Variants in UBP1 observed in about 807,000 individuals in gnomAD.
UBP1 encodes the protein upstream binding protein 1, also known as upstream-binding protein 1.
UBP1 carries 22 observed loss-of-function variants against 76.1 expected under a neutral mutation model. The ratio of observed to expected loss-of-function variants is 0.29; its 90% CI spans 0.21 to 0.41. The LOEUF is 0.41. Among genes scored for constraint, UBP1 ranks in the 10% least tolerant of loss-of-function variants. UBP1 has a pLI of 1.00. For synonymous variants in UBP1, 224 were observed against 237.1 expected (o/e 0.94, Z 0.51); for missense variants, 436 against 668.1 (o/e 0.65, Z 3.83).
chr3:33,432,277 T>C (rs146520950), intron 1 of UBP1, among the ~76,000 whole-genome samples: 4 of 152,270 alleles, frequency 2.6e-5, no homozygotes, highest in African/African-American at 7.2e-5. Context: ...TGAGCCATGA[T>C]TGCACCACTG....
At chr3:33,394,488 A>G (rs1337811825) in intron 13 of UBP1, among the ~76,000 whole-genome samples, 1 of 147,954 alleles carries the variant, frequency 6.8e-6, no homozygotes, top group African/African-American at 2.5e-5. Flanking sequence ...ATGAAGTGTG[A>G]TGCTTCCTTA....
intron 1 of UBP1, among the ~76,000 whole-genome samples, chr3:33,431,403 C>T (rs1296590916): frequency 6.6e-6 from 1 of 152,128 alleles, no homozygotes; most frequent in African/African-American, 2.4e-5. Context: ...AAGAAATACA[C>T]ACCTAAATAC....
chr3:33,400,465 T>C (rs1414086575), intron 10 of UBP1, among the ~76,000 whole-genome samples, 183 bp from the exon 11 acceptor site: 1 of 152,176 alleles, frequency 6.6e-6, no homozygotes, highest in Non-Finnish European at 1.5e-5. Context: ...AATGGGATGC[T>C]ATTCAGCCAT....
intron 1 of UBP1, among the ~76,000 whole-genome samples, chr3:33,428,807 CAAAA>C (rs374441678): frequency 5.3e-5 from 5 of 93,618 alleles, no homozygotes; most frequent in African/African-American, 1.2e-4. Flanking sequence ...TCCTACGTCT[CAAAA>C]AAAAAAAAAA....
intron 1 of UBP1, among the ~76,000 whole-genome samples, chr3:33,433,594 G>C (rs189777334): frequency 0.014 from 2,112 of 151,734 alleles, 20 homozygotes; most frequent in South Asian, 0.027. Context: ...TGGAGGTTGC[G>C]GTGAGCTGAG....
intron 13 of UBP1, among the ~76,000 whole-genome samples, chr3:33,394,817 GTTTTTTT>G (rs76142927): frequency 7.2e-5 from 8 of 110,428 alleles, no homozygotes; most frequent in Non-Finnish European, 1.3e-4. Context: ...CCCTCCACTT[GTTTTTTT>G]TTTTTTTTTT....
intron 1 of UBP1, among the ~76,000 whole-genome samples, chr3:33,426,231 T>C (rs2045015781): frequency 6.6e-6 from 1 of 151,892 alleles, no homozygotes; most frequent in Admixed American, 6.6e-5. Flanking sequence ...AGTTCCCTGC[T>C]GTGCCTTGGC....
chr3:33,406,933 G>A (rs2044443290), intron 8 of UBP1, among the ~76,000 whole-genome samples: 1 of 152,142 alleles, frequency 6.6e-6, no homozygotes, highest in Admixed American at 6.5e-5. Flanking sequence ...ATTCAGTGTG[G>A]CACCATTTCA....
At position 33,396,214 on chromosome 3, in the gene UBP1, C is replaced by A; in HGVS notation, c.1338G>T (p.Gly446=). ...REQPSSTVLQ[G]QQQAASSASE... is the part of the protein sequence containing the mutation. ...TTGCACTGCTTGCAGCTTGCTGCTG[C>A]CCTTGCAGCACTGTGCTGCTTGGCT... Residue 446 remains glycine (G), a synonymous_variant, in exon 13 of 16, where the codon GGG becomes GGT. Transcript: ENST00000283629. 1 of 1,595,420 alleles carries A rather than the reference C, an allele frequency of 6.3e-7. No individual in the cohort carries two copies. Among genetic ancestry groups the A allele is most frequent in the Non-Finnish European group, 8.6e-7 (1 of 1,164,950 alleles).
intron 2 of UBP1, among the ~76,000 whole-genome samples, chr3:33,420,309 T>C (rs980413039): frequency 5.9e-4 from 90 of 152,190 alleles, no homozygotes; most frequent in African/African-American, 2.1e-3. Context: ...TAGGGACTTA[T>C]AGCTGTACTT....
At chr3:33,431,256 T>C (rs542089325) in intron 1 of UBP1, among the ~76,000 whole-genome samples, 38 of 152,004 alleles carry the variant, frequency 2.5e-4, no homozygotes, top group Non-Finnish European at 4.3e-4. Context: ...TGAGAAGATT[T>C]TGCATTAAAT....
intron 1 of UBP1, among the ~76,000 whole-genome samples, chr3:33,426,020 T>C (rs1342452678): frequency 2.0e-5 from 2 of 102,372 alleles, no homozygotes; most frequent in Non-Finnish European, 4.0e-5. Flanking sequence ...TATATATATA[T>C]ATATATATAT....
intron 2 of UBP1, among the ~76,000 whole-genome samples, chr3:33,424,866 T>C (rs761963747): frequency 2.0e-5 from 3 of 152,110 alleles, no homozygotes; most frequent in Non-Finnish European, 1.5e-5. Flanking sequence ...GCCAACATGG[T>C]GAAACCCTGT....
chr3:33,423,394 G>C (rs1299859749), intron 2 of UBP1, among the ~76,000 whole-genome samples: 1 of 152,146 alleles, frequency 6.6e-6, no homozygotes, highest in African/African-American at 2.4e-5. Flanking sequence ...TACATATACA[G>C]TTCAGCTTTC....
chr3:33,420,960 A>G (rs1372867584), intron 2 of UBP1, among the ~76,000 whole-genome samples: 1 of 152,218 alleles, frequency 6.6e-6, no homozygotes, highest in Non-Finnish European at 1.5e-5. Flanking sequence ...TCTCCAAATG[A>G]AAATGTATTT....
At chr3:33,392,011 C>T (rs544753855) in intron 15 of UBP1, 4 of 153,344 alleles carry the variant, frequency 2.6e-5, no homozygotes, top group African/African-American at 9.6e-5. Flanking sequence ...TTTCTTTGCA[C>T]ACAGCCCCAC....
In UBP1 at chr3:33,409,442, G is replaced by A; in HGVS notation, c.708+7C>T. 6.2e-7 allele frequency: 1 copy of A among 1,614,128 alleles called. No homozygotes were observed. The highest frequency in any genetic ancestry group is 8.5e-7 in the Non-Finnish European group (1 of 1,179,994). On this transcript the variant is annotated splice_region_variant and intron_variant, in intron 6 of 15. Transcript: ENST00000283629. Reference sequence around the variant, plus strand: ...TAATTACAGAAAACCCGGGTTCTCTGTCTTACCTTAAAAACTTTGATTTGG... The same window carrying A: ...TAATTACAGAAAACCCGGGTTCTCTATCTTACCTTAAAAACTTTGATTTGG...
At chr3:33,403,506 ATCTATCTGTCTG>A (rs1357798806) in intron 8 of UBP1, 1 of 28,166 alleles carries the variant, frequency 3.6e-5, no homozygotes, top group African/African-American at 7.1e-5. Flanking sequence ...CTATCTATCT[ATCTATCTGTCTG>A]TCTGTCTGGT....
intron 14 of UBP1, 195 bp downstream of exon 14, chr3:33,393,117 T>C: frequency 1.7e-6 from 1 of 585,330 alleles, no homozygotes; most frequent in South Asian, 3.4e-5. Context: ...CAGTTTTCCT[T>C]GGCTTGTATT....
Sources: gnomAD v4.1 joint callset for allele counts (sites outside exome capture counted in the v4.1 genomes callset) on GRCh38, gnomAD v4.1.1 for gene constraint, MANE v1.5 for transcripts, NCBI Gene and HGNC (gene_info 2026-07-23, HGNC 2026-07-21) for gene names.